ANKRD31: variants seen among roughly 807,000 people sequenced by gnomAD.
ANKRD31 encodes the protein ankyrin repeat domain-containing protein 31.
Under a neutral mutation model 186.0 loss-of-function variants are expected in ANKRD31, and 147 were observed. The observed-to-expected ratio is 0.79, with a 90% CI of 0.69 to 0.91. ANKRD31 has a LOEUF of 0.91. Among genes scored for constraint, ANKRD31 ranks in the 40% least tolerant of loss-of-function variants. The pLI is 0.00. For missense variants in ANKRD31, 1,986 were observed against 2,148.8 expected, an observed-to-expected ratio of 0.92 and a Z score of 1.50; for synonymous variants, 673 against 736.4, an observed-to-expected ratio of 0.91 and a Z score of 1.39.
At chr5:75,190,321 T>A (rs1381428220) in intron 9 of ANKRD31, among the ~76,000 whole-genome samples, 7 of 152,152 alleles carry the variant, frequency 4.6e-5, no homozygotes, top group Non-Finnish European at 7.4e-5. Flanking sequence ...GCACGTGGCC[T>A]GTTTAGAATT....
chr5:75,148,852 G>A (rs1751666103), intron 12 of ANKRD31, among the ~76,000 whole-genome samples: 2 of 151,880 alleles, frequency 1.3e-5, no homozygotes, highest in Non-Finnish European at 2.9e-5. Flanking sequence ...AAGCAGAGCA[G>A]ATCTAACAGA....
intron 10 of ANKRD31, among the ~76,000 whole-genome samples, chr5:75,179,546 G>C (rs1385107526): frequency 1.3e-5 from 2 of 152,106 alleles, no homozygotes. Context: ...ATGATCAAGT[G>C]GGCTTCATCA....
At chr5:75,111,469 T>C (rs1747778496) in intron 20 of ANKRD31, among the ~76,000 whole-genome samples, 2 of 152,190 alleles carry the variant, frequency 1.3e-5, no homozygotes, top group African/African-American at 4.8e-5. Flanking sequence ...CGTACCATGT[T>C]AGGCCAGGAC....
chr5:75,145,113 A>C (rs763460391), intron 14 of ANKRD31, among the ~76,000 whole-genome samples: 6 of 152,210 alleles, frequency 3.9e-5, no homozygotes, highest in Non-Finnish European at 7.3e-5. Flanking sequence ...GATGTGGAGA[A>C]ATAGGAATGC....
intron 3 of ANKRD31, among the ~76,000 whole-genome samples, chr5:75,212,438 C>T (rs1285808136): frequency 6.6e-6 from 1 of 152,006 alleles, no homozygotes; most frequent in Non-Finnish European, 1.5e-5. Context: ...CATGGCAAAA[C>T]CCAGTTTCTA....
intron 22 of ANKRD31, among the ~76,000 whole-genome samples, chr5:75,092,704 A>G (rs1386868072): frequency 6.6e-6 from 1 of 152,204 alleles, no homozygotes; most frequent in African/African-American, 2.4e-5. Context: ...AGACATACAA[A>G]GAAACAGCAA....
intron 25 of ANKRD31, among the ~76,000 whole-genome samples, chr5:75,076,932 T>C (rs980041809): frequency 6.6e-6 from 1 of 152,164 alleles, no homozygotes; most frequent in African/African-American, 2.4e-5. Flanking sequence ...ATTATCTCAA[T>C]AGGTAGTAAA....
chr5:75,186,173 T>C (rs1358164266), intron 10 of ANKRD31, among the ~76,000 whole-genome samples: 1 of 152,160 alleles, frequency 6.6e-6, no homozygotes, highest in Non-Finnish European at 1.5e-5. Context: ...CTACAACAGA[T>C]CTTTTATTAC....
intron 5 of ANKRD31, among the ~76,000 whole-genome samples, chr5:75,203,325 A>G (rs1755932629): frequency 6.6e-6 from 1 of 152,192 alleles, no homozygotes; most frequent in African/African-American, 2.4e-5. Flanking sequence ...AGAAAAATAA[A>G]AATACATTTT....
chr5:75,073,171 C>A (rs577838225), intron 25 of ANKRD31, among the ~76,000 whole-genome samples: 126 of 152,166 alleles, frequency 8.3e-4, no homozygotes, highest in African/African-American at 2.7e-3. Flanking sequence ...GTGGCTCAAG[C>A]CTATAATCCA....
intron 22 of ANKRD31, among the ~76,000 whole-genome samples, chr5:75,092,994 C>T (rs1561411039): frequency 2.6e-5 from 4 of 151,974 alleles, no homozygotes. Flanking sequence ...AGAGGCTCAA[C>T]AGATTTAAAC....
chr5:75,211,960 G>A (rs114141774), intron 3 of ANKRD31, among the ~76,000 whole-genome samples: 4,282 of 151,942 alleles, frequency 0.028, 187 homozygotes, highest in African/African-American at 0.097. Flanking sequence ...GTCCTTTGAC[G>A]CTCAAAAGTT....
chr5:75,210,231 T>A (rs1471078638), intron 4 of ANKRD31, among the ~76,000 whole-genome samples: 1 of 152,200 alleles, frequency 6.6e-6, no homozygotes, highest in Non-Finnish European at 1.5e-5. Context: ...TGGAGTGCAG[T>A]GGCATGATCT....
In ANKRD31 at chr5:75,193,415, A is replaced by G; in HGVS notation, c.1194T>C (p.Asp398=). The change falls in exon 8 of 26, where the codon GAT becomes GAC. Residue 398 remains aspartate (D), a synonymous_variant. Coordinates refer to ENST00000506364, the MANE Select transcript of ANKRD31 (RefSeq NM_001372053.1). ...SRLEKLKVSR[D]AKYSDHMYKM... ...TATACATGTGATCTGAGTACTTTGC[A>G]TCTCTGCTTACTTTCAGTTTTTCTA... is the stretch of plus-strand genomic sequence containing the variant. The G allele has an allele frequency of 6.5e-7, 1 of 1,537,260 alleles. No individual in the cohort carries two copies. The highest frequency in any genetic ancestry group is 8.7e-7 in the Non-Finnish European group (1 of 1,146,788).
At chr5:75,205,186 T>C (rs999093903) in intron 5 of ANKRD31, among the ~76,000 whole-genome samples, 5 of 152,218 alleles carry the variant, frequency 3.3e-5, no homozygotes, top group African/African-American at 4.8e-5. Context: ...CATCCTGCTG[T>C]AGTTGTTTTT....
chr5:75,123,484 G>T (rs1748956167), intron 17 of ANKRD31, among the ~76,000 whole-genome samples: 1 of 151,980 alleles, frequency 6.6e-6, no homozygotes, highest in South Asian at 2.1e-4. Context: ...AATAGCAGAA[G>T]CAATCCTAAG....
intron 10 of ANKRD31, among the ~76,000 whole-genome samples, chr5:75,186,896 T>C (rs1027314809): frequency 1.4e-4 from 22 of 152,142 alleles, no homozygotes; most frequent in African/African-American, 5.3e-4. Flanking sequence ...TACTAGAGAT[T>C]ATTAATCTTT....
chr5:75,208,926 C>T (rs1464833736), intron 4 of ANKRD31, among the ~76,000 whole-genome samples: 1 of 152,204 alleles, frequency 6.6e-6, no homozygotes, highest in East Asian at 1.9e-4. Flanking sequence ...CCCCCATGTA[C>T]ATTAAATAAA....
Position 75,105,134 on chromosome 5 carries a change from C to CAGA in ANKRD31, c.4424_4425insTCT (p.Val1475_Ala1476insLeu). On this transcript the variant is annotated inframe_insertion, in exon 22 of 26. Transcript: ENST00000506364. ...GGCTTATTTTTTTCTGTTTTTTTGCCACAACTAAAAGGCTCTTCTGTCTTG... is the reference window on the plus strand; with the variant it reads ...GGCTTATTTTTTTCTGTTTTTTTGCCAGAACAACTAAAAGGCTCTTCTGTCTTG... 1 of 1,536,702 alleles carries CAGA rather than the reference C, an allele frequency of 6.5e-7. No individual in the cohort carries two copies. Among genetic ancestry groups the CAGA allele is most frequent in the Non-Finnish European group, 8.7e-7 (1 of 1,146,760 alleles).
Sources: allele counts gnomAD v4.1 joint callset (sites outside exome capture counted in the v4.1 genomes callset), GRCh38; gene constraint gnomAD v4.1.1; transcripts MANE v1.5; gene names NCBI Gene and HGNC (gene_info 2026-07-23, HGNC 2026-07-21).